LDLRAD1: variants seen among roughly 807,000 people sequenced by gnomAD.
The protein encoded by LDLRAD1 is low-density lipoprotein receptor class A domain-containing protein 1.
LDLRAD1 carries 17 observed loss-of-function variants against 24.8 expected under a neutral mutation model. The ratio of observed to expected loss-of-function variants is 0.69; its 90% CI spans 0.47 to 1.03. The LOEUF (loss-of-function observed/expected upper bound fraction) is 1.03. LDLRAD1 is among the 50% of genes least tolerant of loss of function. The pLI is 0.00. For missense variants in LDLRAD1, 277 were observed against 271.0 expected, an observed-to-expected ratio of 1.02 and a Z score of -0.16; for synonymous variants, 103 against 108.2, an observed-to-expected ratio of 0.95 and a Z score of 0.30.
rs1310167419 is a variant in LDLRAD1, at chr1:54,018,124, C to G, written c.-12G>C. The G allele has an allele frequency of 6.2e-7, 1 of 1,613,550 alleles. No homozygotes were observed. Among genetic ancestry groups the G allele is most frequent in the East Asian group, 2.2e-5 (1 of 44,898 alleles). On this transcript the variant is annotated 5_prime_UTR_variant, in exon 1 of 6. Coordinates refer to ENST00000371360, the MANE Select transcript of LDLRAD1 (RefSeq NM_001010978.4). The stretch of plus-strand genomic sequence containing the variant: ...AAGACCTTGTTCATGTCTTCGGTTT[C>G]CTGCTGCCCGACTGGGGCTGTGTGC...
chr1:54,009,391 G>A lies in LDLRAD1; in HGVS notation c.470-261C>T, dbSNP rs115220901. Among the ~76,000 whole-genome samples the A allele has an allele frequency of 3.2e-3, 492 of 152,228 alleles. 1 individual carries two copies. The highest frequency in any genetic ancestry group is 0.011 in the African/African-American group (437 of 41,528). On this transcript the variant is annotated intron_variant, in intron 5 of 5. Transcript: ENST00000371360. ...TATCAAGCAAAGGATGTCAGGCAAA[G>A]TCCCAGGCACACGGTAAAGACTGCA...
chr1:54,018,065 C>T, intron 1 of LDLRAD1, 27 bp downstream of exon 1: 1 of 1,595,820 alleles, frequency 6.3e-7, no homozygotes, highest in East Asian at 2.2e-5. Context: ...TACTTGGAGA[C>T]AACTCTCACC....
intron 5 of LDLRAD1, 101 bp from the exon 6 acceptor site, chr1:54,009,231 G>A (rs926033960): frequency 1.0e-5 from 11 of 1,103,478 alleles, no homozygotes; most frequent in African/African-American, 9.3e-5. Context: ...GCTCCCCATG[G>A]CCCCAACCCA....
Position 54,014,371 on chromosome 1 carries a change from G to A in LDLRAD1, c.74-7C>T, listed in dbSNP as rs374942731. 354 of 1,544,644 alleles carry A rather than the reference G, an allele frequency of 2.3e-4. 1 individual carries two copies. In the African/African-American group the frequency reaches 4.3e-3, roughly 19 times the overall value. On this transcript the variant is annotated splice_region_variant and splice_polypyrimidine_tract_variant and intron_variant, in intron 2 of 5. Coordinates refer to ENST00000371360, the MANE Select transcript of LDLRAD1 (RefSeq NM_001010978.4). ...CAGAGGTGGCCGCCGCCTGCTGTGT[G>A]GGGGGGAAACAAGCCCGGGGGTGGT...
intron 4 of LDLRAD1, among the ~76,000 whole-genome samples, chr1:54,010,923 G>A (rs1268856413): frequency 2.6e-5 from 4 of 152,160 alleles, no homozygotes; most frequent in African/African-American, 9.7e-5. Flanking sequence ...GTGTGATAGG[G>A]CTATCAAAAA....
intron 3 of LDLRAD1, among the ~76,000 whole-genome samples, chr1:54,014,024 A>G (rs1381988493): frequency 6.6e-6 from 1 of 152,084 alleles, no homozygotes; most frequent in Non-Finnish European, 1.5e-5. Context: ...GGGTCCTCTC[A>G]ATAATCATGT....
chr1:54,009,119 G>A lies in LDLRAD1; in HGVS notation c.481C>T (p.Pro161Ser), dbSNP rs750108215. The change falls in exon 6 of 6, where the codon CCA (proline) becomes TCA (serine). Residue 161 changes from proline (P) to serine (S), a missense_variant. Coordinates refer to ENST00000371360, the MANE Select transcript of LDLRAD1 (RefSeq NM_001010978.4). ...SDELSPVTVC[P>S]PCGPGWWRCP... Reference sequence around the variant, plus strand: ...CGCCACCACCCAGGGCCGCAGGGTGGGCACACAGTTACTGCAGAGACAAGA... The same window carrying A: ...CGCCACCACCCAGGGCCGCAGGGTGAGCACACAGTTACTGCAGAGACAAGA... 3 of 1,613,830 alleles carry A rather than the reference G, an allele frequency of 1.9e-6. No homozygotes were observed. Among genetic ancestry groups the A allele is most frequent in the South Asian group, 2.2e-5 (2 of 91,076 alleles).
chr1:54,010,635 C>T (rs1656011736), intron 4 of LDLRAD1, among the ~76,000 whole-genome samples: 1 of 152,066 alleles, frequency 6.6e-6, no homozygotes, highest in Non-Finnish European at 1.5e-5. Context: ...CTCCCTTCCT[C>T]AGTTCCTCCC....
At chr1:54,010,048 A>T (rs1001426403) in intron 5 of LDLRAD1, among the ~76,000 whole-genome samples, 1 of 152,156 alleles carries the variant, frequency 6.6e-6, no homozygotes, top group Non-Finnish European at 1.5e-5. Flanking sequence ...CAGTTTTCTC[A>T]TCTGTGCCTT....
Position 54,018,111 on chromosome 1 carries a change from ATGTCT to A in LDLRAD1, c.-4_1del, listed in dbSNP as rs1482987076. 1 of 1,613,602 alleles carries A rather than the reference ATGTCT, an allele frequency of 6.2e-7. No individual in the cohort carries two copies. Among genetic ancestry groups the A allele is most frequent in the African/African-American group, 1.3e-5 (1 of 74,888 alleles). ...TCTCACCTGGGGGAAGACCTTGTTC[ATGTCT>A]TCGGTTTCCTGCTGCCCGACTGGGG... On this transcript the variant is annotated start_lost and start_retained_variant and 5_prime_UTR_variant, in exon 1 of 6. Transcript: ENST00000371360.
intron 4 of LDLRAD1, 134 bp downstream of exon 4, chr1:54,012,009 G>C: frequency 9.7e-7 from 1 of 1,031,842 alleles, no homozygotes; most frequent in Non-Finnish European, 1.4e-6. Flanking sequence ...GGTCGGGGCA[G>C]GTGTTCCTGG....
rs1470472241 is a variant in LDLRAD1 at position 54,014,275 on chromosome 1, C to T, written c.163G>A (p.Ala55Thr). ...GGGAGTCCAAGAATGGTGACCAAGGCGATGAGGGCCGCCACAGTTGCCAGG... is the reference window on the plus strand; with the variant it reads ...GGGAGTCCAAGAATGGTGACCAAGGTGATGAGGGCCGCCACAGTTGCCAGG... The part of the protein sequence containing the change: ...LLLATVAALI[A>T]LVTILGLPSC... Residue 55 changes from alanine (A) to threonine (T), a missense_variant, in exon 3 of 6, where the codon GCC becomes ACC. By Grantham distance (58) the Ala-to-Thr change is moderately conservative. Transcript: ENST00000371360. 24 of 1,552,298 alleles carry T rather than the reference C, an allele frequency of 1.5e-5. No individual in the cohort carries two copies. The highest frequency in any genetic ancestry group is 7.1e-5 in the South Asian group (6 of 84,118).
In LDLRAD1 at chr1:54,012,128, C is replaced by T. The variant is rs750592430; in HGVS notation, c.340+15G>A. On this transcript the variant is annotated intron_variant, in intron 4 of 5. Transcript: ENST00000371360. The stretch of plus-strand genomic sequence containing the variant: ...GGGGAACCCCTGGGAGGGGCAGCAC[C>T]GAGCGGGTACTCACGGCACAAGCTC... The T allele has an allele frequency of 1.2e-5, 20 of 1,612,840 alleles. No individual in the cohort carries two copies. The highest frequency in any genetic ancestry group is 6.7e-5 in the East Asian group (3 of 44,882).
At chr1:54,017,480 T>A in intron 1 of LDLRAD1, 53 bp from the exon 2 acceptor site, 1 of 1,500,024 alleles carries the variant, frequency 6.7e-7, no homozygotes, top group Non-Finnish European at 9.1e-7. Flanking sequence ...AGCTCCAGCC[T>A]CAGGGAGGCA....
chr1:54,016,759 G>T (rs931517137), intron 2 of LDLRAD1, among the ~76,000 whole-genome samples: 6 of 152,192 alleles, frequency 3.9e-5, no homozygotes, highest in Non-Finnish European at 7.3e-5. Context: ...CCATAACAGG[G>T]CCCCTGTCTC....
Position 54,014,326 on chromosome 1 carries a change from A to G in LDLRAD1, c.112T>C (p.Cys38Arg), listed in dbSNP as rs763292654. 9.7e-6 allele frequency: 15 copies of G among 1,540,328 alleles called. No homozygotes were observed. The highest frequency in any genetic ancestry group is 1.3e-5 in the Non-Finnish European group (15 of 1,141,948). ...AGGAGCAGCAGAGAGGCAGAGAGGC[A>G]GGCCCCGCGACGTGAGCAGCAGAGG... ...GHLCCSRRGACLSASLLLLLA... is the reference protein window; with the variant it reads ...GHLCCSRRGARLSASLLLLLA... Residue 38 changes from cysteine (C) to arginine (R), a missense_variant, in exon 3 of 6, where the codon TGC (cysteine) becomes CGC (arginine). Coordinates refer to ENST00000371360, the MANE Select transcript of LDLRAD1 (RefSeq NM_001010978.4).
At position 54,014,438 on chromosome 1, in the gene LDLRAD1, C is replaced by T. The variant is rs981970917; in HGVS notation, c.74-74G>A. On this transcript the variant is annotated intron_variant, in intron 2 of 5. Transcript: ENST00000371360. ...CGCTAGGAACAGGGAGCTCCCTCTC[C>T]GCCCTGCCCGCTGCAAGCAGCCTCT... 8.2e-5 allele frequency: 113 copies of T among 1,374,988 alleles called. 2 individuals carry two copies. The South Asian group carries it at 9.6e-4, about 12-fold the overall frequency. The allele number at this position is 1,374,988 out of a possible 1,614,324, so 85.2% of individuals were successfully genotyped here. A position where few individuals can be genotyped will look rare whatever the true frequency, so the allele number is the denominator to read the frequency against.
At chr1:54,014,089 G>T in intron 3 of LDLRAD1, 147 bp downstream of exon 3, 1 of 828,988 alleles carries the variant, frequency 1.2e-6, no homozygotes, top group Non-Finnish European at 1.9e-6. Flanking sequence ...GTGTGCAGGT[G>T]TCTGTGTGTG....
intron 1 of LDLRAD1, 44 bp downstream of exon 1, chr1:54,018,048 C>T (rs768635530): frequency 1.3e-6 from 2 of 1,513,842 alleles, no homozygotes; most frequent in Non-Finnish European, 9.2e-7. Context: ...CACTTGGGGA[C>T]AGCTCTTACT....
Sources: allele counts gnomAD v4.1 joint callset (sites outside exome capture counted in the v4.1 genomes callset), GRCh38; gene constraint gnomAD v4.1.1; transcripts MANE v1.5; gene names NCBI Gene and HGNC (gene_info 2026-07-23, HGNC 2026-07-21).